Variants in ENPP6 observed in about 807,000 individuals in gnomAD.
The protein encoded by ENPP6 is glycerophosphocholine cholinephosphodiesterase ENPP6.
ENPP6 carries 32 observed loss-of-function variants against 42.0 expected under a neutral mutation model. The ratio of observed to expected loss-of-function variants is 0.76; its 90% CI spans 0.58 to 1.02. The LOEUF is 1.02. Among genes scored for constraint, ENPP6 ranks in the 50% least tolerant of loss-of-function variants. The pLI, the probability that ENPP6 is intolerant of heterozygous loss-of-function variation, is 0.00. For synonymous variants in ENPP6, 213 were observed against 216.0 expected (o/e 0.99, Z 0.12); for missense variants, 552 against 566.8 (o/e 0.97, Z 0.27).
chr4:184,157,854 C>T (rs1327178215), intron 1 of ENPP6, among the ~76,000 whole-genome samples: 1 of 148,812 alleles, frequency 6.7e-6, no homozygotes, highest in Non-Finnish European at 1.5e-5. Context: ...TCCTGGGCTC[C>T]AGTGATCCAC....
At position 184,089,943 on chromosome 4, in the gene ENPP6, G is replaced by A. The variant is rs2111322535; in HGVS notation, c.*1234C>T. The A allele has an allele frequency of 6.6e-6, 1 of 152,274 alleles. No individual in the cohort carries two copies. The highest frequency in any genetic ancestry group is 1.9e-4 in the East Asian group (1 of 5,182). The allele number at this position is 152,274 out of a possible 1,614,324, so 9.4% of individuals were successfully genotyped here. On this transcript the variant is annotated 3_prime_UTR_variant, in exon 8 of 8. Coordinates refer to ENST00000296741, the MANE Select transcript of ENPP6 (RefSeq NM_153343.4). ...CTAAAAATATTTCAACTCAGGCTCAGTGGCTCTTCTCAAAGGTATCAAAAG... is the reference window on the plus strand; with the variant it reads ...CTAAAAATATTTCAACTCAGGCTCAATGGCTCTTCTCAAAGGTATCAAAAG...
intron 6 of ENPP6, among the ~76,000 whole-genome samples, chr4:184,112,006 C>T (rs1042639373): frequency 5.9e-5 from 9 of 152,190 alleles, no homozygotes; most frequent in Non-Finnish European, 1.0e-4. Context: ...CTAATAATTG[C>T]AACCCACCTT....
chr4:184,133,646 C>G (rs1736681404), intron 2 of ENPP6, among the ~76,000 whole-genome samples: 1 of 151,968 alleles, frequency 6.6e-6, no homozygotes, highest in Non-Finnish European at 1.5e-5. Flanking sequence ...CTAGGAGGCA[C>G]CCTTACCATA....
intron 2 of ENPP6, among the ~76,000 whole-genome samples, chr4:184,129,279 A>AC (rs5864873): frequency 0.66 from 98,786 of 149,592 alleles, 32,690 homozygotes; most frequent in South Asian, 0.69. Flanking sequence ...GTACACAAAC[A>AC]CCCCCCCAAC....
intron 1 of ENPP6, among the ~76,000 whole-genome samples, chr4:184,208,521 G>C (rs1161040752): frequency 6.6e-6 from 1 of 152,162 alleles, no homozygotes; most frequent in Non-Finnish European, 1.5e-5. Flanking sequence ...CAAATACTGC[G>C]CTTTTCCGAC....
intron 6 of ENPP6, among the ~76,000 whole-genome samples, chr4:184,109,208 C>G (rs1736157507): frequency 6.6e-6 from 1 of 150,832 alleles, no homozygotes; most frequent in Non-Finnish European, 1.5e-5. Flanking sequence ...GAGACTCCAT[C>G]TCAAAAACAA....
At chr4:184,155,093 G>A (rs9992036) in intron 1 of ENPP6, among the ~76,000 whole-genome samples, 59,910 of 152,026 alleles carry the variant, frequency 0.39, 12,341 homozygotes, top group Admixed American at 0.48. Context: ...AAGGAGGACA[G>A]GTTGCAGCCA....
chr4:184,207,757 C>G (rs1289983275), intron 1 of ENPP6, among the ~76,000 whole-genome samples: 1 of 152,222 alleles, frequency 6.6e-6, no homozygotes, highest in Admixed American at 6.5e-5. Flanking sequence ...TCCCTATTCT[C>G]TGTGTATTCA....
At chr4:184,161,280 C>G (rs1003395346) in intron 1 of ENPP6, among the ~76,000 whole-genome samples, 1 of 152,094 alleles carries the variant, frequency 6.6e-6, no homozygotes, top group African/African-American at 2.4e-5. Context: ...CCAGCAAACA[C>G]ATGAAAAAAT....
intron 1 of ENPP6, 141 bp from the exon 2 acceptor site, chr4:184,153,874 A>G: frequency 9.8e-7 from 1 of 1,022,342 alleles, no homozygotes; most frequent in Non-Finnish European, 1.4e-6. Context: ...TTTAAAAAAA[A>G]ATCAGATTTT....
chr4:184,097,934 CT>C (rs1447267807), intron 6 of ENPP6, among the ~76,000 whole-genome samples: 1 of 152,166 alleles, frequency 6.6e-6, no homozygotes, highest in Non-Finnish European at 1.5e-5. Context: ...GTCCAATCAC[CT>C]GACCCATGAT....
chr4:184,168,898 G>GC lies in ENPP6; in HGVS notation c.242-15166dup, dbSNP rs528953581. Among the ~76,000 whole-genome samples, 109 of 152,224 alleles carry GC rather than the reference G, an allele frequency of 7.2e-4. 1 individual carries two copies. In the Middle Eastern group the frequency reaches 0.01, roughly 14 times the overall value. Reference sequence around the variant, plus strand: ...GTCCTGGCTGGGAGTCTCGTGCTGTGCCCCCCGCTTCCTCATTCCCCCACC... The same window carrying GC: ...GTCCTGGCTGGGAGTCTCGTGCTGTGCCCCCCCGCTTCCTCATTCCCCCACC... On this transcript the variant is annotated intron_variant, in intron 1 of 7. Transcript: ENST00000296741.
intron 1 of ENPP6, among the ~76,000 whole-genome samples, chr4:184,192,684 CAT>C (rs1390813701): frequency 6.6e-6 from 1 of 152,192 alleles, no homozygotes; most frequent in African/African-American, 2.4e-5. Flanking sequence ...AAGAAAAATA[CAT>C]GCCAATCATA....
At chr4:184,176,436 G>T (rs1010187565) in intron 1 of ENPP6, among the ~76,000 whole-genome samples, 4 of 152,186 alleles carry the variant, frequency 2.6e-5, no homozygotes, top group Non-Finnish European at 5.9e-5. Flanking sequence ...TAAATGGCTT[G>T]CTCACAGGGA....
At chr4:184,142,307 G>A (rs1398906601) in intron 2 of ENPP6, among the ~76,000 whole-genome samples, 2 of 152,256 alleles carry the variant, frequency 1.3e-5, no homozygotes, top group Non-Finnish European at 2.9e-5. Context: ...TGTGTTGCGA[G>A]ACAGGTGTGC....
rs117367275 is a variant in ENPP6 at position 184,138,478 on chromosome 4, A to T, written c.422-14206T>A. On this transcript the variant is annotated intron_variant, in intron 2 of 7. Coordinates refer to ENST00000296741, the MANE Select transcript of ENPP6 (RefSeq NM_153343.4). ...TTACTGGATTCACTCACTTTCCAAC[A>T]TTTACATCAATATTTTGAACCATCT... Among the ~76,000 whole-genome samples the T allele has an allele frequency of 2.1e-3, 322 of 152,330 alleles. 8 individuals are homozygous for T. The East Asian group carries it at 0.054, about 26-fold the overall frequency.
chr4:184,170,423 C>G (rs1000210321), intron 1 of ENPP6, among the ~76,000 whole-genome samples: 2 of 139,230 alleles, frequency 1.4e-5, no homozygotes, highest in African/African-American at 2.6e-5. Flanking sequence ...GAGTGAGACT[C>G]TGTCTCAAAA....
At chr4:184,119,001 T>A (rs1029129037) in intron 3 of ENPP6, among the ~76,000 whole-genome samples, 1 of 152,210 alleles carries the variant, frequency 6.6e-6, no homozygotes, top group Admixed American at 6.5e-5. Flanking sequence ...TTTTTCTTAC[T>A]AAAGTGGCTG....
At chr4:184,133,161 TCACACA>T (rs66979248) in intron 2 of ENPP6, among the ~76,000 whole-genome samples, 21 of 139,818 alleles carry the variant, frequency 1.5e-4, no homozygotes, top group South Asian at 1.4e-3. Context: ...ACCTGTCAAT[TCACACA>T]CACACACACA....
Sources: gnomAD v4.1 joint callset for allele counts (sites outside exome capture counted in the v4.1 genomes callset) on GRCh38, gnomAD v4.1.1 for gene constraint, MANE v1.5 for transcripts, NCBI Gene and HGNC (gene_info 2026-07-23, HGNC 2026-07-21) for gene names.